The following OPHN1 variants were observed in gnomAD, a reference collection of about 807,000 sequenced individuals.
OPHN1 encodes the protein oligophrenin 1, also known as oligophrenin-1.
OPHN1 carries 11 observed loss-of-function variants against 60.7 expected under a neutral mutation model. That is an observed-to-expected ratio of 0.18 (90% CI 0.11 to 0.30). OPHN1 has a LOEUF of 0.30. Among genes scored for constraint, OPHN1 ranks in the 10% least tolerant of loss-of-function variants. The pLI, the probability that OPHN1 is intolerant of heterozygous loss-of-function variation, is 1.00. For missense variants in OPHN1, 449 were observed against 611.0 expected (o/e 0.73, Z 2.80); for synonymous variants, 226 against 222.6 (o/e 1.02, Z -0.14).
intron 18 of OPHN1, chrX:68,102,104 CAATTTTAGT>C (rs1170845871): frequency 8.9e-6 from 1 of 111,818 alleles, no homozygotes; most frequent in Non-Finnish European, 1.9e-5. Flanking sequence ...TGTATCGTTC[CAATTTTAGT>C]ATATGTACTG....
At chrX:68,397,460 CTT>C (rs767285762) in intron 2 of OPHN1, among the ~76,000 whole-genome samples, 38 of 50,009 alleles carry the variant, frequency 7.6e-4, no homozygotes, top group African/African-American at 8.2e-4. Context: ...CTTTTATGTT[CTT>C]TTTTTTTTTT....
At chrX:68,265,970 T>C (rs2077923171) in intron 5 of OPHN1, among the ~76,000 whole-genome samples, 1 of 109,296 alleles carries the variant, frequency 9.1e-6, no homozygotes, top group Admixed American at 9.8e-5. Flanking sequence ...AGAAGAGAGG[T>C]TTAGAGAAAA....
At chrX:68,372,282 T>C (rs898296180) in intron 2 of OPHN1, among the ~76,000 whole-genome samples, 2 of 111,707 alleles carry the variant, frequency 1.8e-5, no homozygotes, top group Non-Finnish European at 3.8e-5. Flanking sequence ...GTTCAACAAA[T>C]GGAACTGGAA....
intron 18 of OPHN1, among the ~76,000 whole-genome samples, chrX:68,108,115 T>C (rs183346580): frequency 8.9e-6 from 1 of 112,430 alleles, no homozygotes. Context: ...ATACATTATT[T>C]ATTGTTATTG....
intron 2 of OPHN1, among the ~76,000 whole-genome samples, chrX:68,430,035 A>T (rs1007489126): frequency 4.0e-5 from 2 of 49,575 alleles, no homozygotes; most frequent in Non-Finnish European, 1.3e-4. Context: ...ACTCTGTCTC[A>T]GAAAAAAACA....
chrX:68,386,379 G>A (rs1014086593), intron 2 of OPHN1, among the ~76,000 whole-genome samples: 43 of 111,726 alleles, frequency 3.8e-4, no homozygotes, highest in Non-Finnish European at 7.9e-4. Context: ...ACTAATCAAA[G>A]CCAAATTTAA....
chrX:68,129,484 T>C (rs1472992887), intron 15 of OPHN1, among the ~76,000 whole-genome samples: 4 of 111,884 alleles, frequency 3.6e-5, no homozygotes, highest in South Asian at 7.5e-4. Flanking sequence ...TGAAAGTGGT[T>C]TGTGGAATTA....
intron 15 of OPHN1, among the ~76,000 whole-genome samples, chrX:68,157,453 A>G (rs1029484566): frequency 8.9e-6 from 1 of 112,105 alleles, no homozygotes; most frequent in African/African-American, 3.3e-5. Flanking sequence ...TGGAGGCCAT[A>G]ATTTTAAGCG....
At chrX:68,415,978 G>A (rs1311023033) in intron 2 of OPHN1, among the ~76,000 whole-genome samples, 1 of 99,417 alleles carries the variant, frequency 1.0e-5, no homozygotes, top group Non-Finnish European at 2.0e-5. Context: ...TCGTGCCACT[G>A]CACTCCAGCC....
Position 68,201,605 on chromosome X carries a change from G to A in OPHN1, c.1025+14C>T. 1 of 1,196,668 alleles carries A rather than the reference G, an allele frequency of 8.4e-7. No homozygotes were observed. Among genetic ancestry groups the A allele is most frequent in the Non-Finnish European group, 1.1e-6 (1 of 881,802 alleles). On this transcript the variant is annotated intron_variant, in intron 11 of 24. Transcript: ENST00000355520. ...CACGTGGGGACATTGCCAATTCACA[G>A]CGGCACAGCTTACCTTTCATTAGTT...
At chrX:68,259,049 C>A (rs2077880483) in intron 5 of OPHN1, among the ~76,000 whole-genome samples, 1 of 111,580 alleles carries the variant, frequency 9.0e-6, no homozygotes, top group Non-Finnish European at 1.9e-5. Flanking sequence ...AATTCTATTT[C>A]TAAGTATATA....
chrX:68,393,885 G>GTTTTTTTTTTTTTTTTTTTTTTTTTTT (rs1163192446), intron 2 of OPHN1, among the ~76,000 whole-genome samples: 1 of 34,587 alleles, frequency 2.9e-5, no homozygotes. Flanking sequence ...AATAGACTTT[G>GTTTTTTTTTTTTTTTTTTTTTTTTTTT]TTTTTTTTTT....
intron 2 of OPHN1, among the ~76,000 whole-genome samples, chrX:68,383,609 A>C (rs2078608961): frequency 9.5e-6 from 1 of 105,314 alleles, no homozygotes; most frequent in Non-Finnish European, 1.9e-5. Flanking sequence ...AAAAAAAAAA[A>C]AAAAAAAAAA....
chrX:68,316,852 A>T (rs2078201625), intron 2 of OPHN1, among the ~76,000 whole-genome samples: 1 of 112,244 alleles, frequency 8.9e-6, no homozygotes, highest in African/African-American at 3.2e-5. Context: ...TATAACATTT[A>T]TAAATTTAAG....
At chrX:68,117,213 G>T (rs1006892766) in intron 16 of OPHN1, among the ~76,000 whole-genome samples, 12 of 110,677 alleles carry the variant, frequency 1.1e-4, no homozygotes, top group Admixed American at 2.9e-4. Context: ...TTGTTGAAGG[G>T]GCCTTCTTCC....
chrX:68,052,205 A>C (rs2076854696), intron 23 of OPHN1, among the ~76,000 whole-genome samples: 1 of 109,073 alleles, frequency 9.2e-6, no homozygotes, highest in Non-Finnish European at 1.9e-5. Flanking sequence ...TGGGAGGATC[A>C]CTTGAACCTG....
At chrX:68,100,523 A>C (rs1308639359) in intron 18 of OPHN1, among the ~76,000 whole-genome samples, 1 of 110,999 alleles carries the variant, frequency 9.0e-6, no homozygotes, top group Admixed American at 9.6e-5. Flanking sequence ...GAAATAGATG[A>C]AACAAGATTG....
intron 2 of OPHN1, among the ~76,000 whole-genome samples, chrX:68,337,210 T>G: frequency 8.9e-6 from 1 of 112,206 alleles, no homozygotes; most frequent in Middle Eastern, 4.6e-3. Flanking sequence ...TAAAAAATTG[T>G]TTCTGTATGT....
chrX:68,095,991 G>A (rs1602152697), intron 19 of OPHN1, among the ~76,000 whole-genome samples: 1 of 111,622 alleles, frequency 9.0e-6, no homozygotes, highest in Admixed American at 9.5e-5. Flanking sequence ...GATGGGGTTC[G>A]AATAAGTGTA....
Sources: gnomAD v4.1 joint callset for allele counts (sites outside exome capture counted in the v4.1 genomes callset) on GRCh38, gnomAD v4.1.1 for gene constraint, MANE v1.5 for transcripts, NCBI Gene and HGNC (gene_info 2026-07-23, HGNC 2026-07-21) for gene names.